Variants in CCDC85A observed in about 807,000 individuals in gnomAD.
CCDC85A encodes coiled-coil domain containing 85A.
CCDC85A carries 38 observed loss-of-function variants against 50.2 expected under a neutral mutation model. The ratio of observed to expected loss-of-function variants is 0.76; its 90% CI spans 0.58 to 0.99. CCDC85A has a LOEUF of 0.99. Among genes scored for constraint, CCDC85A ranks in the 50% least tolerant of loss-of-function variants. The pLI is 0.00. For missense variants in CCDC85A, 820 were observed against 742.0 expected, an observed-to-expected ratio of 1.11 and a Z score of -1.22; for synonymous variants, 366 against 301.4, an observed-to-expected ratio of 1.21 and a Z score of -2.22.
At position 56,195,780 on chromosome 2, in the gene CCDC85A, G is replaced by C. The variant is rs1676498062; in HGVS notation, c.1240+2340G>C. Among the ~76,000 whole-genome samples, 3 of 152,104 alleles carry C rather than the reference G, an allele frequency of 2.0e-5. No homozygotes were observed. The South Asian group carries it at 6.2e-4, about 32-fold the overall frequency. ...TCATTTCCAGAGTCATTCTGCTTGG[G>C]GTTGGTGTGAAATATGAGTGTTTTG... On this transcript the variant is annotated intron_variant, in intron 2 of 5. Coordinates refer to ENST00000407595, the MANE Select transcript of CCDC85A (RefSeq NM_001080433.2).
intron 2 of CCDC85A, among the ~76,000 whole-genome samples, chr2:56,325,023 A>T (rs763974219): frequency 0.01 from 1,534 of 152,262 alleles, 14 homozygotes; most frequent in Middle Eastern, 0.02. Flanking sequence ...ATGAAAACTT[A>T]AAGATTTTCA....
intron 2 of CCDC85A, among the ~76,000 whole-genome samples, chr2:56,302,644 C>T (rs969804732): frequency 1.3e-5 from 2 of 152,340 alleles, no homozygotes; most frequent in Middle Eastern, 3.4e-3. Context: ...TCTGTCCAGA[C>T]ACCATCTTTA....
At chr2:56,364,480 A>T (rs1476657361) in intron 3 of CCDC85A, among the ~76,000 whole-genome samples, 1 of 152,198 alleles carries the variant, frequency 6.6e-6, no homozygotes, top group African/African-American at 2.4e-5. Context: ...CATGAAGTTA[A>T]TATCATTTTA....
Position 56,294,254 on chromosome 2 carries a change from AAGG to A in CCDC85A, c.1241-48619_1241-48617del, listed in dbSNP as rs527495858. ...CTGAACAATGAGAACACATGGACAC[AAGG>A]AGGAGAACAATACACACTGGGGCCT... On this transcript the variant is annotated intron_variant, in intron 2 of 5. Coordinates refer to ENST00000407595, the MANE Select transcript of CCDC85A (RefSeq NM_001080433.2). 4.3e-4 allele frequency among the ~76,000 whole-genome samples: 65 copies of A among 152,228 alleles called. 1 individual carries two copies. In the South Asian group the frequency reaches 0.013, roughly 30 times the overall value.
chr2:56,345,350 G>A (rs751771143), intron 3 of CCDC85A, among the ~76,000 whole-genome samples: 13 of 152,112 alleles, frequency 8.5e-5, no homozygotes, highest in Admixed American at 4.6e-4. Context: ...AGATTTCAGC[G>A]ATGTTACAAA....
intron 2 of CCDC85A, among the ~76,000 whole-genome samples, chr2:56,328,074 C>G (rs1673567775): frequency 6.6e-6 from 1 of 152,132 alleles, no homozygotes; most frequent in Non-Finnish European, 1.5e-5. Flanking sequence ...GAGCTGTCAT[C>G]TGAATCCAGG....
chr2:56,237,934 C>T (rs1219845570), intron 2 of CCDC85A, among the ~76,000 whole-genome samples: 2 of 152,102 alleles, frequency 1.3e-5, no homozygotes, highest in Non-Finnish European at 2.9e-5. Flanking sequence ...ATTGTATCCT[C>T]ATGGTAACTT....
chr2:56,366,138 C>T (rs1211556902), intron 3 of CCDC85A, among the ~76,000 whole-genome samples: 1 of 152,132 alleles, frequency 6.6e-6, no homozygotes, highest in Non-Finnish European at 1.5e-5. Flanking sequence ...ATAGATAGCA[C>T]ATTTTCTTTA....
chr2:56,280,140 C>T (rs1671140545), intron 2 of CCDC85A, among the ~76,000 whole-genome samples: 1 of 152,180 alleles, frequency 6.6e-6, no homozygotes, highest in Non-Finnish European at 1.5e-5. Context: ...AGAACCTTTT[C>T]ACTCCCTCTA....
intron 2 of CCDC85A, among the ~76,000 whole-genome samples, chr2:56,303,373 T>G (rs1445153562): frequency 6.6e-6 from 1 of 152,196 alleles, no homozygotes; most frequent in African/African-American, 2.4e-5. Context: ...GCATCAGTTG[T>G]TATTTTTCTC....
At chr2:56,275,374 A>C (rs2104079559) in intron 2 of CCDC85A, among the ~76,000 whole-genome samples, 1 of 152,330 alleles carries the variant, frequency 6.6e-6, no homozygotes, top group South Asian at 2.1e-4. Context: ...AGCTCAGTAT[A>C]GCTAGAAGTT....
At chr2:56,279,525 T>G (rs1671111598) in intron 2 of CCDC85A, among the ~76,000 whole-genome samples, 1 of 152,182 alleles carries the variant, frequency 6.6e-6, no homozygotes, top group Non-Finnish European at 1.5e-5. Context: ...AAAAAATATT[T>G]CTACTATTTT....
At chr2:56,228,725 C>G (rs536363722) in intron 2 of CCDC85A, among the ~76,000 whole-genome samples, 3 of 151,956 alleles carry the variant, frequency 2.0e-5, no homozygotes, top group South Asian at 2.1e-4. Flanking sequence ...AGTAGAGACA[C>G]GGTTTCACTG....
At chr2:56,209,870 G>T (rs1367938388) in intron 2 of CCDC85A, among the ~76,000 whole-genome samples, 4 of 151,866 alleles carry the variant, frequency 2.6e-5, no homozygotes, top group African/African-American at 9.7e-5. Context: ...TAGATTCCAG[G>T]CATGCCACTT....
chr2:56,369,482 C>T lies in CCDC85A; in HGVS notation c.1318-2862C>T, dbSNP rs150539615. ...AATCTGACCCCGAAAGTCCTGAGGA[C>T]TAAAGGCTATGACTCATGCTAAACC... On this transcript the variant is annotated intron_variant, in intron 3 of 5. Transcript: ENST00000407595. Among the ~76,000 whole-genome samples the T allele has an allele frequency of 2.8e-3, 423 of 152,248 alleles. 4 individuals are homozygous for T. The highest frequency in any genetic ancestry group is 9.4e-3 in the African/African-American group (389 of 41,564).
At chr2:56,273,967 C>A (rs753565335) in intron 2 of CCDC85A, among the ~76,000 whole-genome samples, 2 of 151,774 alleles carry the variant, frequency 1.3e-5, no homozygotes, top group African/African-American at 4.8e-5. Flanking sequence ...TATGGAAAGC[C>A]CTAAAATGAT....
chr2:56,292,162 A>G (rs1671742212), intron 2 of CCDC85A, among the ~76,000 whole-genome samples: 1 of 152,042 alleles, frequency 6.6e-6, no homozygotes, highest in Admixed American at 6.5e-5. Flanking sequence ...AGCTCACTGT[A>G]AGCTCCACCT....
chr2:56,223,004 C>G (rs1238980485), intron 2 of CCDC85A, among the ~76,000 whole-genome samples: 1 of 152,082 alleles, frequency 6.6e-6, no homozygotes, highest in African/African-American at 2.4e-5. Flanking sequence ...TTCCAAATAA[C>G]TACCTACCTA....
intron 2 of CCDC85A, among the ~76,000 whole-genome samples, chr2:56,275,557 T>G (rs1344571797): frequency 2.0e-5 from 3 of 152,224 alleles, no homozygotes; most frequent in Non-Finnish European, 2.9e-5. Context: ...TTTGTCCACA[T>G]TCTGTATTTA....
Sources: gnomAD v4.1 joint callset for allele counts (sites outside exome capture counted in the v4.1 genomes callset) on GRCh38, gnomAD v4.1.1 for gene constraint, MANE v1.5 for transcripts, NCBI Gene and HGNC (gene_info 2026-07-23, HGNC 2026-07-21) for gene names.